The following MBD5 variants were observed in gnomAD, a reference collection of about 807,000 sequenced individuals.
The protein encoded by MBD5 is methyl-CpG-binding domain protein 5.
A neutral mutation model predicts 117.3 loss-of-function variants in MBD5; 13 were observed. The observed-to-expected ratio is 0.11, with a 90% confidence interval of 0.07 to 0.18. The LOEUF (loss-of-function observed/expected upper bound fraction) is 0.18. Ranked by LOEUF, MBD5 falls within the 10% of genes least tolerant of loss-of-function variation. MBD5 has a pLI of 1.00. For synonymous variants in MBD5, 727 were observed against 766.4 expected, an observed-to-expected ratio of 0.95 and a Z score of 0.85; for missense variants, 1,879 against 2,093.8, an observed-to-expected ratio of 0.90 and a Z score of 2.00.
chr2:148,317,023 C>CT (rs1702171151), intron 3 of MBD5, among the ~76,000 whole-genome samples: 1 of 152,122 alleles, frequency 6.6e-6, no homozygotes, highest in African/African-American at 2.4e-5. Flanking sequence ...TTCTTCACAA[C>CT]TTAAACCATG....
rs1051689897 is a variant in MBD5, at chr2:148,489,766, T to C, written c.4134T>C (p.His1378=). The C allele has an allele frequency of 1.2e-6, 2 of 1,614,154 alleles. No homozygotes were observed. The highest frequency in any genetic ancestry group is 3.3e-5 in the Admixed American group (2 of 60,014). ...CCAGTGCTGTCAGTGCGGTCATTCA[T>C]GGACGGAACATGGGAGGTGTTGATC... ...NLSSAVSAVI[H]GRNMGGVDHD... is the part of the protein sequence containing the mutation. Residue 1378 remains histidine, a synonymous_variant, in exon 11 of 14, where the codon CAT becomes CAC. Coordinates refer to ENST00000642680, the MANE Select transcript of MBD5 (RefSeq NM_001378120.1).
At chr2:148,069,526 C>A (rs1273603439) in intron 1 of MBD5, among the ~76,000 whole-genome samples, 1 of 151,790 alleles carries the variant, frequency 6.6e-6, no homozygotes, top group African/African-American at 2.4e-5. Context: ...TATTAAATAT[C>A]ATCTTATAGT....
At chr2:148,422,986 A>G (rs545887128) in intron 4 of MBD5, among the ~76,000 whole-genome samples, 80 of 152,292 alleles carry the variant, frequency 5.3e-4, no homozygotes, top group African/African-American at 1.6e-3. Flanking sequence ...GGGAGAATGG[A>G]ACCAAGTTGG....
intron 3 of MBD5, among the ~76,000 whole-genome samples, chr2:148,246,546 G>A (rs1700340880): frequency 1.3e-5 from 2 of 152,028 alleles, no homozygotes; most frequent in Non-Finnish European, 1.5e-5. Context: ...TGAGGCAGGT[G>A]GATCATGAAG....
intron 4 of MBD5, among the ~76,000 whole-genome samples, chr2:148,416,080 G>T (rs1192625611): frequency 6.6e-6 from 1 of 152,186 alleles, no homozygotes; most frequent in East Asian, 1.9e-4. Flanking sequence ...TGGCTCATCA[G>T]TGTGGCTTGG....
intron 3 of MBD5, among the ~76,000 whole-genome samples, chr2:148,286,763 G>T (rs1052016383): frequency 6.6e-6 from 1 of 152,086 alleles, no homozygotes; most frequent in African/African-American, 2.4e-5. Context: ...CCAGGACAAG[G>T]AATCTAAATG....
intron 4 of MBD5, among the ~76,000 whole-genome samples, chr2:148,430,478 C>T (rs1705950809): frequency 1.3e-5 from 2 of 152,084 alleles, no homozygotes; most frequent in Non-Finnish European, 2.9e-5. Flanking sequence ...CTGTGTGTTT[C>T]CAATAGATTG....
intron 2 of MBD5, among the ~76,000 whole-genome samples, chr2:148,206,440 A>G (rs1699285855): frequency 6.6e-6 from 1 of 152,198 alleles, no homozygotes; most frequent in South Asian, 2.1e-4. Context: ...GATATCCACC[A>G]CCTCAAATGT....
At chr2:148,290,177 C>T (rs1356683110) in intron 3 of MBD5, among the ~76,000 whole-genome samples, 12 of 148,324 alleles carry the variant, frequency 8.1e-5, no homozygotes, top group Non-Finnish European at 1.5e-4. Flanking sequence ...AGGCTGATCT[C>T]GAATGCCTGA....
chr2:148,512,652 C>G (rs1360299089), intron 13 of MBD5, among the ~76,000 whole-genome samples: 1 of 152,190 alleles, frequency 6.6e-6, no homozygotes, highest in African/African-American at 2.4e-5. Context: ...CAGAGTGTTG[C>G]ACTGCTTATC....
intron 1 of MBD5, among the ~76,000 whole-genome samples, chr2:148,155,478 A>C (rs185582917): frequency 6.6e-6 from 1 of 152,328 alleles, no homozygotes; most frequent in African/African-American, 2.4e-5. Context: ...TCAGAGATTA[A>C]GTAATTTATA....
chr2:148,379,930 TAGA>T lies in MBD5; in HGVS notation c.-557+37600_-557+37602del, dbSNP rs1704088316. Among the ~76,000 whole-genome samples, 3 of 152,228 alleles carry T rather than the reference TAGA, an allele frequency of 2.0e-5. No individual in the cohort carries two copies. In the South Asian group the frequency reaches 6.2e-4, roughly 32 times the overall value. ...AAGACAATAAGAGGGATTTTAAGTA[TAGA>T]AGAAGTGGCACAAACAGAAAGCAAA... is the stretch of plus-strand genomic sequence containing the variant. On this transcript the variant is annotated intron_variant, in intron 4 of 13. Transcript: ENST00000642680.
At chr2:148,066,103 C>T (rs1323466889) in intron 1 of MBD5, among the ~76,000 whole-genome samples, 2 of 152,068 alleles carry the variant, frequency 1.3e-5, no homozygotes, top group African/African-American at 4.8e-5. Flanking sequence ...TCAAGACAAG[C>T]CTGGGCAATA....
intron 4 of MBD5, among the ~76,000 whole-genome samples, chr2:148,377,864 TGAATTTGAACTTTGTACTTCAGAAATTTG>T (rs1379025649): frequency 3.9e-5 from 6 of 152,204 alleles, no homozygotes; most frequent in Non-Finnish European, 7.4e-5. Context: ...GTTCATACTT[TGAATTTGAACTTTGTACTTCAGAAATTTG>T]GTTAGTTGGG....
chr2:148,210,916 TATGTATAAGAGAAGATTATGTG>T (rs560661330), intron 2 of MBD5, among the ~76,000 whole-genome samples: 25 of 152,194 alleles, frequency 1.6e-4, no homozygotes, highest in Admixed American at 7.9e-4. Context: ...TTTTTATATG[TATGTATAAGAGAAGATTATGTG>T]ATTGTAAATT....
At chr2:148,131,423 G>A (rs1205225366) in intron 1 of MBD5, among the ~76,000 whole-genome samples, 1 of 152,176 alleles carries the variant, frequency 6.6e-6, no homozygotes, top group Non-Finnish European at 1.5e-5. Flanking sequence ...GGGGAGTTTG[G>A]TGGCTCATGC....
At chr2:148,152,979 A>T (rs1697733197) in intron 1 of MBD5, among the ~76,000 whole-genome samples, 1 of 151,106 alleles carries the variant, frequency 6.6e-6, no homozygotes, top group Non-Finnish European at 1.5e-5. Context: ...TGATCCTGTC[A>T]TTATGATGTT....
intron 7 of MBD5, 67 bp downstream of exon 7, chr2:148,463,986 T>C: frequency 6.6e-7 from 1 of 1,517,792 alleles, no homozygotes; most frequent in Non-Finnish European, 9.0e-7. Context: ...AGAAATCATT[T>C]TGCCTAGCAT....
At chr2:148,423,559 A>T (rs1241693394) in intron 4 of MBD5, among the ~76,000 whole-genome samples, 1 of 152,172 alleles carries the variant, frequency 6.6e-6, no homozygotes, top group Non-Finnish European at 1.5e-5. Flanking sequence ...AGCACTAAAC[A>T]TAGAAATGAA....
Sources: allele counts gnomAD v4.1 joint callset (sites outside exome capture counted in the v4.1 genomes callset), GRCh38; gene constraint gnomAD v4.1.1; transcripts MANE v1.5; gene names NCBI Gene and HGNC (gene_info 2026-07-23, HGNC 2026-07-21).